Variants in FMN2 observed in about 807,000 individuals in gnomAD.
FMN2 encodes the protein formin 2, also known as formin-2.
FMN2 carries 51 observed loss-of-function variants against 142.3 expected under a neutral mutation model. That is an observed-to-expected ratio of 0.36 (90% CI 0.29 to 0.45). FMN2 has a LOEUF of 0.45. Ranked by LOEUF, FMN2 falls within the 20% of genes least tolerant of loss-of-function variation. The probability of loss-of-function intolerance (pLI) is 1.00; values close to 1 mark genes in which losing one functional copy is unlikely to be tolerated. For missense variants in FMN2, 1,936 were observed against 2,122.8 expected (o/e 0.91, Z 1.73); for synonymous variants, 882 against 869.8 (o/e 1.01, Z -0.25).
chr1:240,258,273 A>T (rs1482009393), intron 7 of FMN2, among the ~76,000 whole-genome samples: 1 of 152,174 alleles, frequency 6.6e-6, no homozygotes, highest in Non-Finnish European at 1.5e-5. Flanking sequence ...TTATTATCTT[A>T]GTTCAGGCTA....
At chr1:240,197,643 T>G (rs370397823) in intron 4 of FMN2, among the ~76,000 whole-genome samples, 4 of 152,184 alleles carry the variant, frequency 2.6e-5, no homozygotes, top group African/African-American at 9.6e-5. Context: ...CTTTGCACAT[T>G]TTGATGATAG....
chr1:240,453,160 CTTAG>C (rs1280139535), intron 16 of FMN2, among the ~76,000 whole-genome samples: 1 of 152,160 alleles, frequency 6.6e-6, no homozygotes. Flanking sequence ...ATAGAAACTT[CTTAG>C]TTAATGTTAG....
chr1:240,448,104 C>T (rs191062099), intron 16 of FMN2, among the ~76,000 whole-genome samples: 4 of 152,140 alleles, frequency 2.6e-5, no homozygotes, highest in Admixed American at 2.6e-4. Context: ...TTGTATGTAC[C>T]CAAGAAAACA....
At chr1:240,361,137 A>G (rs1456240312) in intron 14 of FMN2, among the ~76,000 whole-genome samples, 7 of 121,206 alleles carry the variant, frequency 5.8e-5, no homozygotes, top group East Asian at 4.6e-4. Flanking sequence ...AAATAAATAT[A>G]TGTGTATATA....
At chr1:240,420,312 C>T (rs2103140844) in intron 15 of FMN2, among the ~76,000 whole-genome samples, 1 of 152,268 alleles carries the variant, frequency 6.6e-6, no homozygotes, top group Middle Eastern at 3.4e-3. Context: ...CTTCCTCTTC[C>T]ATCTGCCAGG....
At position 240,277,525 on chromosome 1, in the gene FMN2, C is replaced by CTTTTTTT. The variant is rs34678861; in HGVS notation, c.4154-17278_4154-17272dup. On this transcript the variant is annotated intron_variant, in intron 7 of 17. Coordinates refer to ENST00000319653, the MANE Select transcript of FMN2 (RefSeq NM_020066.5). The stretch of plus-strand genomic sequence containing the variant: ...CAACTTTAAGTACCTGCATCTTCTT[C>CTTTTTTT]TTTTTTTTTTTTTTTTTTTTTTTTT... Among the ~76,000 whole-genome samples, 81 of 66,150 alleles carry CTTTTTTT rather than the reference C, an allele frequency of 1.2e-3. 1 individual carries two copies. Among genetic ancestry groups the CTTTTTTT allele is most frequent in the African/African-American group, 1.9e-3 (29 of 15,418 alleles). The allele number at this position is 66,150 out of a possible 152,430, so 43.4% of individuals were successfully genotyped here.
rs534139436 is a variant in FMN2, at chr1:240,379,320, T to A, written c.4859-13191T>A. Reference sequence around the variant, plus strand: ...TTGGCCCTGTAAAAGCTTTGGGAATTGTTAAGCTTATATTTTCTTGGTGGT... The same window carrying A: ...TTGGCCCTGTAAAAGCTTTGGGAATAGTTAAGCTTATATTTTCTTGGTGGT... On this transcript the variant is annotated intron_variant, in intron 14 of 17. Transcript: ENST00000319653. 2.0e-5 allele frequency among the ~76,000 whole-genome samples: 3 copies of A among 152,310 alleles called. No homozygotes were observed. The East Asian group carries it at 5.8e-4, about 29-fold the overall frequency.
chr1:240,436,610 G>A (rs1467125005), intron 15 of FMN2, among the ~76,000 whole-genome samples: 4 of 151,260 alleles, frequency 2.6e-5, no homozygotes, highest in Non-Finnish European at 5.9e-5. Flanking sequence ...CCGGGAAGTG[G>A]AGGTTGCAGT....
chr1:240,262,846 C>T (rs1375781133), intron 7 of FMN2, among the ~76,000 whole-genome samples: 3 of 150,772 alleles, frequency 2.0e-5, no homozygotes, highest in African/African-American at 7.3e-5. Context: ...CTACAATCTC[C>T]GCCTCCCAGG....
At chr1:240,412,142 G>C (rs1400166432) in intron 15 of FMN2, among the ~76,000 whole-genome samples, 1 of 152,134 alleles carries the variant, frequency 6.6e-6, no homozygotes, top group Non-Finnish European at 1.5e-5. Context: ...GAAAAGGGGA[G>C]AAATAGGAGA....
chr1:240,148,692 G>A (rs920717278), intron 2 of FMN2, among the ~76,000 whole-genome samples: 8 of 152,312 alleles, frequency 5.3e-5, no homozygotes, highest in Admixed American at 4.6e-4. Flanking sequence ...TAAAAACTCT[G>A]TATATTGGCC....
chr1:240,352,566 G>C (rs776703568), intron 13 of FMN2, among the ~76,000 whole-genome samples: 4 of 152,072 alleles, frequency 2.6e-5, no homozygotes, highest in Non-Finnish European at 5.9e-5. Flanking sequence ...GGGCAACAGA[G>C]CAAGACTTTG....
At chr1:240,404,580 T>C (rs1304875841) in intron 15 of FMN2, among the ~76,000 whole-genome samples, 1 of 152,252 alleles carries the variant, frequency 6.6e-6, no homozygotes, top group Non-Finnish European at 1.5e-5. Flanking sequence ...GGCAGAAGAT[T>C]TACTGTCTGG....
chr1:240,373,270 C>T lies in FMN2; in HGVS notation c.4858+17362C>T, dbSNP rs144207101. On this transcript the variant is annotated intron_variant, in intron 14 of 17. Coordinates refer to ENST00000319653, the MANE Select transcript of FMN2 (RefSeq NM_020066.5). ...GTGGAGGGTCTTGCTTCCATGTTGA[C>T]AGCTGCTCGCTGACAGGTCAGGGTG... Among the ~76,000 whole-genome samples, 1,454 of 152,214 alleles carry T rather than the reference C, an allele frequency of 9.6e-3. 19 individuals are homozygous for T. Among genetic ancestry groups the T allele is most frequent in the African/African-American group, 0.033 (1,369 of 41,528 alleles).
At chr1:240,394,704 A>C (rs1389980137) in intron 15 of FMN2, among the ~76,000 whole-genome samples, 1 of 152,190 alleles carries the variant, frequency 6.6e-6, no homozygotes, top group Non-Finnish European at 1.5e-5. Flanking sequence ...GTGGTGGCTC[A>C]AGCCTGTAAT....
chr1:240,171,227 A>G (rs1279089693), intron 2 of FMN2: 3 of 776,782 alleles, frequency 3.9e-6, no homozygotes, highest in East Asian at 4.9e-5. Context: ...CTGTCTTTTG[A>G]TGAAATTAAC....
At chr1:240,361,934 G>A (rs1672499640) in intron 14 of FMN2, among the ~76,000 whole-genome samples, 1 of 152,196 alleles carries the variant, frequency 6.6e-6, no homozygotes, top group Admixed American at 6.5e-5. Context: ...AGATGAATTT[G>A]TTACGGAAGC....
intron 2 of FMN2, among the ~76,000 whole-genome samples, chr1:240,132,154 A>G (rs1471490754): frequency 1.3e-5 from 2 of 152,194 alleles, no homozygotes; most frequent in Non-Finnish European, 2.9e-5. Flanking sequence ...GAGTTAGAAT[A>G]CTAAAGACGG....
chr1:240,154,883 TTCCCC>T (rs1663956449), intron 2 of FMN2: 1 of 92,960 alleles, frequency 1.1e-5, no homozygotes, highest in Admixed American at 1.5e-4. Flanking sequence ...CTCCCCTCCC[TTCCCC>T]TCCCCTCCTT....
Sources: gnomAD v4.1 joint callset for allele counts (sites outside exome capture counted in the v4.1 genomes callset) on GRCh38, gnomAD v4.1.1 for gene constraint, MANE v1.5 for transcripts, NCBI Gene and HGNC (gene_info 2026-07-23, HGNC 2026-07-21) for gene names.